The following NEO1 variants were observed in gnomAD, a reference collection of about 807,000 sequenced individuals.
NEO1 encodes the protein neogenin 1.
A neutral mutation model predicts 159.7 loss-of-function variants in NEO1; 63 were observed. That is an observed-to-expected ratio of 0.39 (90% CI 0.32 to 0.49). The LOEUF (loss-of-function observed/expected upper bound fraction) is 0.49. NEO1 is among the 20% of genes least tolerant of loss of function. NEO1 has a pLI of 0.85. For synonymous variants in NEO1, 633 were observed against 662.0 expected (o/e 0.96, Z 0.67); for missense variants, 1,615 against 1,831.0 (o/e 0.88, Z 2.15).
chr15:73,085,187 A>G (rs957441559), intron 1 of NEO1, among the ~76,000 whole-genome samples: 1 of 152,014 alleles, frequency 6.6e-6, no homozygotes, highest in Admixed American at 6.6e-5. Flanking sequence ...TGATCTATTC[A>G]CCATCCCTTT....
At chr15:73,154,947 A>C (rs1206324760) in intron 5 of NEO1, among the ~76,000 whole-genome samples, 2 of 149,718 alleles carry the variant, frequency 1.3e-5, no homozygotes, top group African/African-American at 4.9e-5. Context: ...GGCTTGATGG[A>C]ATTCTGTTGT....
chr15:73,202,703 ATTC>A (rs2036971086), intron 7 of NEO1, among the ~76,000 whole-genome samples: 1 of 152,212 alleles, frequency 6.6e-6, no homozygotes, highest in East Asian at 1.9e-4. Context: ...CATTAAGTGC[ATTC>A]ATTCTGTTGT....
intron 8 of NEO1, among the ~76,000 whole-genome samples, chr15:73,240,662 T>C (rs1368745982): frequency 6.6e-6 from 1 of 152,016 alleles, no homozygotes; most frequent in African/African-American, 2.4e-5. Flanking sequence ...AAAAATAGAG[T>C]CAGGGAGACA....
At chr15:73,240,880 G>C (rs148991997) in intron 8 of NEO1, among the ~76,000 whole-genome samples, 152 of 152,300 alleles carry the variant, frequency 1.0e-3, no homozygotes, top group African/African-American at 3.5e-3. Context: ...TAAGTCGTAA[G>C]ACTATATCCT....
chr15:73,233,927 T>A (rs2039043852), intron 7 of NEO1, among the ~76,000 whole-genome samples: 1 of 152,154 alleles, frequency 6.6e-6, no homozygotes, highest in South Asian at 2.1e-4. Flanking sequence ...TATTCCTAAT[T>A]TACAGATAAG....
intron 7 of NEO1, among the ~76,000 whole-genome samples, chr15:73,235,802 C>T (rs563993260): frequency 6.6e-6 from 1 of 152,302 alleles, no homozygotes; most frequent in East Asian, 1.9e-4. Context: ...TGCAAAGGAG[C>T]TCTGCAGTGA....
In NEO1 at chr15:73,305,200, A is replaced by G. The variant is rs1022379745; in HGVS notation, c.*2504A>G. On this transcript the variant is annotated 3_prime_UTR_variant, in exon 29 of 29. Coordinates refer to ENST00000261908, the MANE Select transcript of NEO1 (RefSeq NM_002499.4). ...AAATCCAATACACTTTTTTAATCCAATCAAACTCTGGTCTGGTCAAAGAGT... is the reference window on the plus strand; with the variant it reads ...AAATCCAATACACTTTTTTAATCCAGTCAAACTCTGGTCTGGTCAAAGAGT... 16 of 151,914 alleles carry G rather than the reference A, an allele frequency of 1.1e-4. No homozygotes were observed. The highest frequency in any genetic ancestry group is 2.0e-4 in the Admixed American group (3 of 15,248). 9.4% of individuals were successfully genotyped at this position (151,914 alleles called of 1,614,324 possible). A position where few individuals can be genotyped will look rare whatever the true frequency, so the allele number is the denominator to read the frequency against.
At chr15:73,169,773 ATGGTACCTTAG>A (rs1019088526) in intron 5 of NEO1, among the ~76,000 whole-genome samples, 2 of 151,406 alleles carry the variant, frequency 1.3e-5, no homozygotes, top group African/African-American at 4.9e-5. Context: ...GTCTTGGAAC[ATGGTACCTTAG>A]TAGTTAAGAG....
At chr15:73,195,784 A>G (rs1229617842) in intron 7 of NEO1, among the ~76,000 whole-genome samples, 2 of 152,086 alleles carry the variant, frequency 1.3e-5, no homozygotes, top group Non-Finnish European at 2.9e-5. Flanking sequence ...GTTCCTCTTC[A>G]TTTTACACTC....
intron 23 of NEO1, among the ~76,000 whole-genome samples, chr15:73,283,738 A>T (rs951778206): frequency 2.6e-5 from 4 of 152,172 alleles, no homozygotes; most frequent in Non-Finnish European, 5.9e-5. Flanking sequence ...CCCCCTTTGG[A>T]GCACCATCTG....
chr15:73,086,666 C>T (rs1026898636), intron 1 of NEO1, among the ~76,000 whole-genome samples: 2 of 140,816 alleles, frequency 1.4e-5, no homozygotes, highest in African/African-American at 5.3e-5. Context: ...TGAGTTCTAA[C>T]TGCCTGTTTC....
In NEO1 at chr15:73,288,552, G is replaced by A; in HGVS notation, c.3649+1G>A. On this transcript the variant is annotated splice_donor_variant, in intron 24 of 28. Transcript: ENST00000261908. LOFTEE classifies it high-confidence loss of function. ...CATCAAAGGCGAAATTCATACAGAGGTACCATTTTAAGTGCAGGTTTTTTC... is the reference window on the plus strand; with the variant it reads ...CATCAAAGGCGAAATTCATACAGAGATACCATTTTAAGTGCAGGTTTTTTC... The A allele has an allele frequency of 1.2e-6, 2 of 1,609,030 alleles. No homozygotes were observed. The highest frequency in any genetic ancestry group is 2.2e-5 in the South Asian group (2 of 90,922).
intron 1 of NEO1, among the ~76,000 whole-genome samples, chr15:73,067,167 G>A (rs1204078212): frequency 6.6e-6 from 1 of 152,152 alleles, no homozygotes; most frequent in East Asian, 1.9e-4. Flanking sequence ...GTAGCCAAAA[G>A]CAATCCTCCT....
intron 1 of NEO1, among the ~76,000 whole-genome samples, chr15:73,074,099 TTTAA>T (rs879806802): frequency 1.3e-5 from 2 of 152,230 alleles, no homozygotes; most frequent in Non-Finnish European, 2.9e-5. Context: ...AAGCTTTTTC[TTTAA>T]TTAAGTACCT....
At chr15:73,208,423 G>A (rs1251289882) in intron 7 of NEO1, among the ~76,000 whole-genome samples, 1 of 152,182 alleles carries the variant, frequency 6.6e-6, no homozygotes, top group Admixed American at 6.5e-5. Flanking sequence ...TCTAGTGATA[G>A]GGTATTCTTT....
Position 73,249,113 on chromosome 15 carries a change from T to C in NEO1, c.1660T>C (p.Ser554Pro). 6.2e-7 allele frequency: 1 copy of C among 1,614,096 alleles called. No individual in the cohort carries two copies. Among genetic ancestry groups the C allele is most frequent in the Non-Finnish European group, 8.5e-7 (1 of 1,179,980 alleles). The change falls in exon 10 of 29, where the codon TCC (serine) becomes CCC (proline). Residue 554 changes from serine (S) to proline (P), a missense_variant. Physicochemically the swap from Ser to Pro is moderately conservative, Grantham distance 74. Transcript: ENST00000261908. Reference sequence around the variant, plus strand: ...TCGTGCATATGCAGCTTCGCCTACCTCCATCACTGTTACGTGGGAAACACC... The same window carrying C: ...TCGTGCATATGCAGCTTCGCCTACCCCCATCACTGTTACGTGGGAAACACC... ...NLRAYAASPT[S>P]ITVTWETPVS...
chr15:73,074,379 C>T lies in NEO1; in HGVS notation c.130+21574C>T, dbSNP rs147706183. On this transcript the variant is annotated intron_variant, in intron 1 of 28. Transcript: ENST00000261908. ...CTTGTTTTTCACTCCTTTCTAATCT[C>T]TCTGACTGTTTTGTTGTTTTAAACT... Among the ~76,000 whole-genome samples, 522 of 152,268 alleles carry T rather than the reference C, an allele frequency of 3.4e-3. 3 individuals are homozygous for T. Among genetic ancestry groups the T allele is most frequent in the African/African-American group, 0.012 (496 of 41,544 alleles).
chr15:73,191,798 A>C (rs1178201843), intron 7 of NEO1, among the ~76,000 whole-genome samples: 4 of 152,070 alleles, frequency 2.6e-5, no homozygotes, highest in Non-Finnish European at 5.9e-5. Context: ...ACACATGTTC[A>C]TTGTCAAGAA....
In NEO1 at chr15:73,236,365, C is replaced by T; in HGVS notation, c.1310C>T (p.Pro437Leu). Residue 437 changes from proline (P) to leucine (L), a missense_variant, in exon 8 of 29, where the codon CCA (proline) becomes CTA (leucine). By Grantham distance (98) the Pro-to-Leu change is moderately conservative. This residue lies in a region of NEO1 where 1,018 missense variants were observed against 1,115.4 expected (regional missense o/e 0.91). Transcript: ENST00000261908. Reference protein sequence around the residue: ...ILEHAPATTGPLPSAPRDVVA... With the variant: ...ILEHAPATTGLLPSAPRDVVA... ...CATCTAGCACCAGCCACAACGGGAC[C>T]ACTGCCTTCAGCTCCTCGGGATGTC... 2 of 1,614,188 alleles carry T rather than the reference C, an allele frequency of 1.2e-6. No individual in the cohort carries two copies. The highest frequency in any genetic ancestry group is 1.7e-6 in the Non-Finnish European group (2 of 1,180,034).
Sources: allele counts gnomAD v4.1 joint callset (sites outside exome capture counted in the v4.1 genomes callset), GRCh38; gene constraint gnomAD v4.1.1; regional missense constraint gnomAD v4.1.1; transcripts MANE v1.5; gene names NCBI Gene and HGNC (gene_info 2026-07-23, HGNC 2026-07-21).